Variants in TMEM135 observed in about 807,000 individuals in gnomAD.
TMEM135 encodes peroxisomal membrane protein 52.
Under a neutral mutation model 60.3 loss-of-function variants are expected in TMEM135, and 30 were observed. That is an observed-to-expected ratio of 0.50 (90% CI 0.37 to 0.68). The LOEUF (loss-of-function observed/expected upper bound fraction) is 0.68. Among genes scored for constraint, TMEM135 ranks in the 30% least tolerant of loss-of-function variants. The pLI is 0.00. For missense variants in TMEM135, 468 were observed against 548.8 expected, an observed-to-expected ratio of 0.85 and a Z score of 1.47; for synonymous variants, 190 against 186.7, an observed-to-expected ratio of 1.02 and a Z score of -0.14.
At chr11:87,122,892 G>A (rs925018819) in intron 4 of TMEM135, among the ~76,000 whole-genome samples, 1 of 152,168 alleles carries the variant, frequency 6.6e-6, no homozygotes, top group Non-Finnish European at 1.5e-5. Flanking sequence ...AAACATTAAT[G>A]CTGAAGTCCA....
At chr11:87,157,070 T>G (rs916852267) in intron 4 of TMEM135, among the ~76,000 whole-genome samples, 9 of 109,462 alleles carry the variant, frequency 8.2e-5, no homozygotes, top group African/African-American at 3.1e-4. Context: ...TCTTTCTTTC[T>G]TTTGTTTTTT....
chr11:87,303,287 C>T (rs1303963762), intron 8 of TMEM135, among the ~76,000 whole-genome samples: 1 of 152,008 alleles, frequency 6.6e-6, no homozygotes, highest in Non-Finnish European at 1.5e-5. Flanking sequence ...TTGCGTGCTT[C>T]TTATGAGCAT....
chr11:87,202,481 G>A (rs1940135468), intron 5 of TMEM135, among the ~76,000 whole-genome samples: 2 of 151,934 alleles, frequency 1.3e-5, no homozygotes, highest in South Asian at 2.1e-4. Flanking sequence ...ATGCCCTACC[G>A]TGTCCGGTTA....
chr11:87,245,280 C>T (rs1941240299), intron 6 of TMEM135, among the ~76,000 whole-genome samples: 2 of 149,430 alleles, frequency 1.3e-5, no homozygotes, highest in South Asian at 4.4e-4. Flanking sequence ...CGTATGTGGT[C>T]AATTTTGGAA....
intron 6 of TMEM135, among the ~76,000 whole-genome samples, chr11:87,285,633 T>C (rs753955210): frequency 1.8e-4 from 27 of 152,108 alleles, no homozygotes; most frequent in Non-Finnish European, 3.7e-4. Flanking sequence ...TTGCAGTAAG[T>C]GTCACAGCTC....
At chr11:87,162,780 C>A (rs1346256388) in intron 5 of TMEM135, among the ~76,000 whole-genome samples, 3 of 152,146 alleles carry the variant, frequency 2.0e-5, no homozygotes, top group Non-Finnish European at 4.4e-5. Flanking sequence ...GTTCTAGATC[C>A]TTAAGGAATC....
Position 87,223,331 on chromosome 11 carries a change from A to AT in TMEM135, c.463-13295dup, listed in dbSNP as rs377062541. 3.4e-3 allele frequency among the ~76,000 whole-genome samples: 496 copies of AT among 146,218 alleles called. 6 individuals carry two copies. Among genetic ancestry groups the AT allele is most frequent in the African/African-American group, 8.7e-3 (349 of 40,146 alleles). ...AGGCGCCAGCCACCATGCCCAGCTA[A>AT]TTTTTTTTTTTTGTATTTTTAATAG... is the stretch of plus-strand genomic sequence containing the variant. On this transcript the variant is annotated intron_variant, in intron 5 of 14. Coordinates refer to ENST00000305494, the MANE Select transcript of TMEM135 (RefSeq NM_022918.4).
At chr11:87,276,278 T>C (rs1025105349) in intron 6 of TMEM135, among the ~76,000 whole-genome samples, 3 of 152,296 alleles carry the variant, frequency 2.0e-5, no homozygotes, top group Middle Eastern at 3.4e-3. Flanking sequence ...TTCTTTAGTT[T>C]TCATAACAGT....
intron 5 of TMEM135, among the ~76,000 whole-genome samples, chr11:87,183,656 T>A (rs1030563496): frequency 2.0e-5 from 3 of 152,040 alleles, no homozygotes; most frequent in African/African-American, 7.2e-5. Flanking sequence ...TTCTATATGC[T>A]ATGTGTTTAA....
chr11:87,081,385 C>A (rs572489556), intron 3 of TMEM135, among the ~76,000 whole-genome samples: 16 of 151,886 alleles, frequency 1.1e-4, no homozygotes, highest in African/African-American at 3.6e-4. Flanking sequence ...CTACAATATA[C>A]ATCTTTGAAG....
intron 7 of TMEM135, among the ~76,000 whole-genome samples, chr11:87,300,373 G>T (rs752481980): frequency 6.6e-6 from 1 of 152,182 alleles, no homozygotes. Context: ...CTGAAGGTGC[G>T]CTAGCCTTAT....
intron 10 of TMEM135, among the ~76,000 whole-genome samples, chr11:87,310,040 TG>T (rs1942614939): frequency 6.6e-6 from 1 of 152,114 alleles, no homozygotes; most frequent in Non-Finnish European, 1.5e-5. Context: ...ATTTACTGCC[TG>T]GTTATTAATT....
intron 5 of TMEM135, among the ~76,000 whole-genome samples, chr11:87,195,824 A>C (rs1327911063): frequency 6.6e-6 from 1 of 152,238 alleles, no homozygotes; most frequent in East Asian, 1.9e-4. Context: ...TGTTATTAAT[A>C]ATGAGTAAAA....
At chr11:87,216,596 G>T (rs761215891) in intron 5 of TMEM135, among the ~76,000 whole-genome samples, 2 of 152,058 alleles carry the variant, frequency 1.3e-5, no homozygotes, top group Non-Finnish European at 2.9e-5. Context: ...TAAAAGTTTT[G>T]CAGGTCTGGT....
chr11:87,104,171 C>T (rs1210012230), intron 4 of TMEM135, among the ~76,000 whole-genome samples: 2 of 152,028 alleles, frequency 1.3e-5, no homozygotes, highest in African/African-American at 2.4e-5. Flanking sequence ...TTCCTAACGC[C>T]GTTTATTGAG....
At chr11:87,045,864 A>C (rs1949791242) in intron 1 of TMEM135, among the ~76,000 whole-genome samples, 1 of 152,208 alleles carries the variant, frequency 6.6e-6, no homozygotes, top group African/African-American at 2.4e-5. Flanking sequence ...TGGTATTGAA[A>C]TATTTGTCCC....
chr11:87,075,381 C>G (rs61904170), intron 3 of TMEM135, among the ~76,000 whole-genome samples: 21,191 of 151,966 alleles, frequency 0.14, 1,571 homozygotes, highest in Non-Finnish European at 0.16. Flanking sequence ...GTTTCGATCT[C>G]CGGACCTCGT....
intron 5 of TMEM135, among the ~76,000 whole-genome samples, chr11:87,163,001 G>A (rs1428419341): frequency 1.3e-5 from 2 of 149,244 alleles, no homozygotes; most frequent in Non-Finnish European, 3.0e-5. Context: ...ATGTTTGCTG[G>A]CCTTATAAAT....
intron 8 of TMEM135, among the ~76,000 whole-genome samples, chr11:87,303,086 G>C (rs116690829): frequency 0.036 from 5,486 of 152,136 alleles, 90 homozygotes; most frequent in Admixed American, 0.046. Flanking sequence ...TTATAGCAAG[G>C]GTCCTGAACC....
Sources: gnomAD v4.1 joint callset for allele counts (sites outside exome capture counted in the v4.1 genomes callset) on GRCh38, gnomAD v4.1.1 for gene constraint, MANE v1.5 for transcripts, NCBI Gene and HGNC (gene_info 2026-07-23, HGNC 2026-07-21) for gene names.